The following SLC25A27 variants were observed in gnomAD, a reference collection of about 807,000 sequenced individuals.
SLC25A27 encodes the protein mitochondrial uncoupling protein 4.
In SLC25A27, 35 loss-of-function variants were observed where a neutral mutation model predicts 49.1. The observed-to-expected ratio is 0.71, with a 90% CI of 0.54 to 0.95. The LOEUF (loss-of-function observed/expected upper bound fraction) is 0.95, where lower values mean the gene tolerates loss of function less well. SLC25A27 is among the 40% of genes least tolerant of loss of function. SLC25A27 has a pLI of 0.00. For synonymous variants in SLC25A27, 144 were observed against 136.9 expected, an observed-to-expected ratio of 1.05 and a Z score of -0.36; for missense variants, 339 against 397.1, an observed-to-expected ratio of 0.85 and a Z score of 1.24.
At chr6:46,668,270 G>A (rs1469037551) in intron 5 of SLC25A27, among the ~76,000 whole-genome samples, 5 of 152,132 alleles carry the variant, frequency 3.3e-5, no homozygotes, top group African/African-American at 7.2e-5. Context: ...CCCAGGAGGC[G>A]GAGGTTGCAG....
Position 46,655,873 on chromosome 6 carries a change from G to A in SLC25A27, c.137G>A (p.Arg46Gln), listed in dbSNP as rs1304344123. 1.2e-6 allele frequency: 2 copies of A among 1,611,962 alleles called. No individual in the cohort carries two copies. The highest frequency in any genetic ancestry group is 1.7e-6 in the Non-Finnish European group (2 of 1,179,476). ...ATFPLDLTKT[R>Q]LQMQGEAALA... ...TTTCCCCTGGATCTCACAAAAACTC[G>A]ACTCCAAATGCAAGGAGAAGCAGCT... The change falls in exon 2 of 9, where the codon CGA becomes CAA. Residue 46 changes from arginine to glutamine, a missense_variant. Physicochemically the swap from Arg to Gln is conservative, Grantham distance 43. Transcript: ENST00000371347.
rs1762966953 is a variant in SLC25A27 at position 46,656,019 on chromosome 6, A to G, written c.283A>G (p.Ile95Val). The G allele has an allele frequency of 1.9e-6, 3 of 1,610,846 alleles. No homozygotes were observed. The highest frequency in any genetic ancestry group is 3.4e-5 in the Admixed American group (2 of 59,340). ...GCTTTGGCAAGGAGTGACACCCGCC[A>G]TTTACAGACACGTAGGTATTTATCT... ...LKLWQGVTPA[I>V]YRHVVYSGGR... The change falls in exon 2 of 9, where the codon ATT becomes GTT. Residue 95 changes from isoleucine to valine, a missense_variant. Physicochemically the swap from Ile to Val is conservative, Grantham distance 29. Coordinates refer to ENST00000371347, the MANE Select transcript of SLC25A27 (RefSeq NM_004277.5).
chr6:46,663,746 T>C (rs2093719075), intron 4 of SLC25A27, among the ~76,000 whole-genome samples: 1 of 152,072 alleles, frequency 6.6e-6, no homozygotes, highest in Non-Finnish European at 1.5e-5. Context: ...AGTTATATAC[T>C]ACAGTAAAAA....
intron 8 of SLC25A27, among the ~76,000 whole-genome samples, chr6:46,676,157 CT>C (rs1562044551): frequency 6.6e-6 from 1 of 152,152 alleles, no homozygotes. Context: ...ATATTAATAT[CT>C]TTCCTTTCTA....
intron 2 of SLC25A27, chr6:46,658,458 G>GAA: frequency 2.3e-6 from 1 of 433,686 alleles, no homozygotes; most frequent in South Asian, 1.7e-5. Context: ...ATGCTTAGCT[G>GAA]AAAAATTACA....
chr6:46,662,935 T>A (rs1763208550), intron 4 of SLC25A27, among the ~76,000 whole-genome samples: 1 of 152,164 alleles, frequency 6.6e-6, no homozygotes, highest in South Asian at 2.1e-4. Context: ...CTCATTAGTG[T>A]GAAAAACCTT....
intron 8 of SLC25A27, among the ~76,000 whole-genome samples, chr6:46,673,478 G>T (rs184815307): frequency 6.6e-6 from 1 of 152,196 alleles, no homozygotes; most frequent in East Asian, 1.9e-4. Context: ...AGATAGTGGA[G>T]TGGAAATGGC....
At chr6:46,664,030 T>C (rs1763246870) in intron 4 of SLC25A27, among the ~76,000 whole-genome samples, 1 of 152,196 alleles carries the variant, frequency 6.6e-6, no homozygotes, top group South Asian at 2.1e-4. Context: ...CAATTATGTG[T>C]GTCCAATAAA....
chr6:46,660,381 T>C (rs1763126558), intron 3 of SLC25A27, among the ~76,000 whole-genome samples: 1 of 152,204 alleles, frequency 6.6e-6, no homozygotes, highest in African/African-American at 2.4e-5. Context: ...GGGAAATTAA[T>C]TAAAACTAAC....
At position 46,678,030 on chromosome 6, in the gene SLC25A27, T is replaced by TTATATATATATATATA. The variant is rs67622673; in HGVS notation, c.*1596_*1611dup. 0.022 allele frequency: 2,184 copies of TTATATATATATATATA among 99,660 alleles called. 137 individuals carry two copies. The highest frequency in any genetic ancestry group is 0.028 in the Non-Finnish European group (1,341 of 48,214). The allele number at this position is 99,660 out of a possible 1,614,324, so 6.2% of individuals were successfully genotyped here. A position where few individuals can be genotyped will look rare whatever the true frequency, so the allele number is the denominator to read the frequency against. ...CAATATGTAATTGCGTTGTAAAATA[T>TTATATATATATATATA]TATATATATATATATATATATATAT... On this transcript the variant is annotated 3_prime_UTR_variant, in exon 9 of 9. Coordinates refer to ENST00000371347, the MANE Select transcript of SLC25A27 (RefSeq NM_004277.5).
In SLC25A27 at chr6:46,658,544, T is replaced by C. The variant is rs1266203297; in HGVS notation, c.299-418T>C. On this transcript the variant is annotated intron_variant, in intron 2 of 8. Coordinates refer to ENST00000371347, the MANE Select transcript of SLC25A27 (RefSeq NM_004277.5). ...GCGTACCAAGGTATGTACTAGGGCA[T>C]CTGGGGTAAGTAAAAACAAACACAT... 3 of 440,124 alleles carry C rather than the reference T, an allele frequency of 6.8e-6. No individual in the cohort carries two copies. In the Admixed American group the frequency reaches 7.8e-5, roughly 11 times the overall value. 27.3% of individuals were successfully genotyped at this position (440,124 alleles called of 1,614,324 possible).
Position 46,676,948 on chromosome 6 carries a change from A to G in SLC25A27, c.*494A>G, listed in dbSNP as rs1224319077. On this transcript the variant is annotated 3_prime_UTR_variant, in exon 9 of 9. Coordinates refer to ENST00000371347, the MANE Select transcript of SLC25A27 (RefSeq NM_004277.5). ...CTTTTCTGTCATTGTTAAAGCGTACATACTGTAAATTAAAGGGAGGTGAAT... is the reference window on the plus strand; with the variant it reads ...CTTTTCTGTCATTGTTAAAGCGTACGTACTGTAAATTAAAGGGAGGTGAAT... 4 of 396,386 alleles carry G rather than the reference A, an allele frequency of 1.0e-5. No homozygotes were observed. The highest frequency in any genetic ancestry group is 8.2e-5 in the African/African-American group (4 of 49,052). 24.6% of individuals were successfully genotyped at this position (396,386 alleles called of 1,614,324 possible).
rs1238296780 is a variant in SLC25A27 at position 46,676,236 on chromosome 6, TC to T, written c.901-145del. Reference sequence around the variant, plus strand: ...AAAAAATGCTTTGTAAATTATAAAGTCCTTTACAAAGGTGAAATACCAAAAT... The same window carrying T: ...AAAAAATGCTTTGTAAATTATAAAGTCTTTACAAAGGTGAAATACCAAAAT... On this transcript the variant is annotated intron_variant, in intron 8 of 8. Coordinates refer to ENST00000371347, the MANE Select transcript of SLC25A27 (RefSeq NM_004277.5). 6.8e-5 allele frequency: 42 copies of T among 615,098 alleles called. No individual in the cohort carries two copies. The African/African-American group carries it at 7.4e-4, about 11-fold the overall frequency. The allele number at this position is 615,098 out of a possible 1,614,324, so 38.1% of individuals were successfully genotyped here. A position where few individuals can be genotyped will look rare whatever the true frequency, so the allele number is the denominator to read the frequency against.
intron 2 of SLC25A27, among the ~76,000 whole-genome samples, chr6:46,657,643 A>G (rs1763031017): frequency 6.6e-6 from 1 of 152,202 alleles, no homozygotes. Flanking sequence ...GAAAAAGTGA[A>G]TAGCTGATTA....
chr6:46,661,028 A>T (rs1371973993), intron 3 of SLC25A27, among the ~76,000 whole-genome samples: 1 of 152,218 alleles, frequency 6.6e-6, no homozygotes, highest in Non-Finnish European at 1.5e-5. Context: ...TGCCAGTCTT[A>T]TACTTAATAC....
chr6:46,655,332 A>C (rs1762935925), intron 1 of SLC25A27, among the ~76,000 whole-genome samples: 1 of 152,178 alleles, frequency 6.6e-6, no homozygotes, highest in South Asian at 2.1e-4. Context: ...TTGTTATAGT[A>C]CATAAGAATA....
At chr6:46,657,455 C>T (rs1763022975) in intron 2 of SLC25A27, among the ~76,000 whole-genome samples, 1 of 152,016 alleles carries the variant, frequency 6.6e-6, no homozygotes, top group Non-Finnish European at 1.5e-5. Context: ...AAGAGCGAAA[C>T]TCTGTCTCAA....
intron 2 of SLC25A27, 90 bp from the exon 3 acceptor site, chr6:46,658,872 C>A: frequency 1.1e-6 from 1 of 901,024 alleles, no homozygotes; most frequent in Non-Finnish European, 1.9e-6. Context: ...ATTGACTAGG[C>A]CATGTCGGAA....
In SLC25A27 at chr6:46,676,711, C is replaced by A. The variant is rs769764310; in HGVS notation, c.*257C>A. On this transcript the variant is annotated 3_prime_UTR_variant, in exon 9 of 9. Coordinates refer to ENST00000371347, the MANE Select transcript of SLC25A27 (RefSeq NM_004277.5). ...CGCACAGCATTTTCTAAAGAAGAAT[C>A]GAAGCCTGACCACTTTCACCTTGGG... The A allele has an allele frequency of 1.9e-6, 3 of 1,546,064 alleles. No homozygotes were observed. Among genetic ancestry groups the A allele is most frequent in the South Asian group, 1.2e-5 (1 of 83,938 alleles).
Sources: allele counts gnomAD v4.1 joint callset (sites outside exome capture counted in the v4.1 genomes callset), GRCh38; gene constraint gnomAD v4.1.1; transcripts MANE v1.5; gene names NCBI Gene and HGNC (gene_info 2026-07-23, HGNC 2026-07-21).